The following PTPRG variants were observed in gnomAD, a reference collection of about 807,000 sequenced individuals.
The protein encoded by PTPRG is receptor-type tyrosine-protein phosphatase gamma.
In PTPRG, 102 loss-of-function variants were observed where a neutral mutation model predicts 165.3. The ratio of observed to expected loss-of-function variants is 0.62; its 90% CI spans 0.53 to 0.73. The LOEUF is 0.73. Among genes scored for constraint, PTPRG ranks in the 30% least tolerant of loss-of-function variants. The pLI is 0.00. For missense variants in PTPRG, 1,866 were observed against 1,861.4 expected (o/e 1.00, Z -0.05); for synonymous variants, 675 against 669.5 (o/e 1.01, Z -0.13).
At chr3:62,238,979 A>T (rs141737383) in intron 14 of PTPRG, among the ~76,000 whole-genome samples, 1 of 152,324 alleles carries the variant, frequency 6.6e-6, no homozygotes, top group Non-Finnish European at 1.5e-5. Flanking sequence ...AGTTTCTTAA[A>T]GGGCACAGAC....
At chr3:62,076,456 A>G (rs1421501361) in intron 4 of PTPRG, among the ~76,000 whole-genome samples, 2 of 152,146 alleles carry the variant, frequency 1.3e-5, no homozygotes, top group Non-Finnish European at 2.9e-5. Flanking sequence ...TGGTGCTTGC[A>G]AGTAAGGAAG....
chr3:61,987,996 T>C (rs1372554260), intron 2 of PTPRG, among the ~76,000 whole-genome samples: 1 of 152,180 alleles, frequency 6.6e-6, no homozygotes, highest in African/African-American at 2.4e-5. Context: ...AAAAAATACA[T>C]GAGTGAAAAG....
chr3:62,039,206 A>T (rs1051590331), intron 4 of PTPRG, among the ~76,000 whole-genome samples: 4 of 150,214 alleles, frequency 2.7e-5, no homozygotes, highest in African/African-American at 7.4e-5. Flanking sequence ...AAGTGCTAGG[A>T]TTATAAGCGT....
chr3:62,133,590 C>A (rs1402254204), intron 6 of PTPRG, among the ~76,000 whole-genome samples: 1 of 152,130 alleles, frequency 6.6e-6, no homozygotes. Context: ...TTAATTGTTC[C>A]GTTCTCAAAA....
intron 1 of PTPRG, among the ~76,000 whole-genome samples, chr3:61,605,760 G>T (rs1438500597): frequency 1.3e-5 from 2 of 152,010 alleles, no homozygotes; most frequent in African/African-American, 4.8e-5. Context: ...TGTTTGTAGA[G>T]ATGGTGTCTT....
chr3:61,833,808 G>C (rs1474578412), intron 2 of PTPRG, among the ~76,000 whole-genome samples: 4 of 152,124 alleles, frequency 2.6e-5, no homozygotes, highest in Admixed American at 1.3e-4. Context: ...AAGGCAGTGT[G>C]CCCGCCTCGG....
At chr3:62,117,281 A>G (rs1426487101) in intron 5 of PTPRG, among the ~76,000 whole-genome samples, 2 of 152,252 alleles carry the variant, frequency 1.3e-5, no homozygotes, top group African/African-American at 4.8e-5. Flanking sequence ...TTTCCCAGCT[A>G]GCTCACAAAC....
chr3:61,952,269 ATTT>A lies in PTPRG; in HGVS notation c.191-37354_191-37352del, dbSNP rs545559193. Among the ~76,000 whole-genome samples, 5 of 152,182 alleles carry A rather than the reference ATTT, an allele frequency of 3.3e-5. No individual in the cohort carries two copies. The South Asian group carries it at 1.0e-3, about 32-fold the overall frequency. On this transcript the variant is annotated intron_variant, in intron 2 of 29. Coordinates refer to ENST00000474889, the MANE Select transcript of PTPRG (RefSeq NM_002841.4). The stretch of plus-strand genomic sequence containing the variant: ...TTTAGTGCCTGTGCTGTAAGCCAGG[ATTT>A]TGAAGTTCTTGGGGGCAATTTTGCT...
At chr3:62,167,003 T>C (rs1400740177) in intron 7 of PTPRG, among the ~76,000 whole-genome samples, 2 of 152,054 alleles carry the variant, frequency 1.3e-5, no homozygotes, top group Non-Finnish European at 1.5e-5. Context: ...CTTTTGATAA[T>C]AGAAATATGA....
Position 61,970,256 on chromosome 3 carries a change from A to AT in PTPRG, c.191-19362dup, listed in dbSNP as rs1161775765. Among the ~76,000 whole-genome samples the AT allele has an allele frequency of 3.3e-5, 5 of 152,076 alleles. No individual in the cohort carries two copies. In the East Asian group the frequency reaches 9.7e-4, roughly 29 times the overall value. On this transcript the variant is annotated intron_variant, in intron 2 of 29. Coordinates refer to ENST00000474889, the MANE Select transcript of PTPRG (RefSeq NM_002841.4). ...TGAGGAGAAGGAAAGAAGGCCTTTA[A>AT]TTTTTTTGTCATGTTCTGACCTCTG...
At chr3:62,055,140 C>T (rs1391461623) in intron 4 of PTPRG, among the ~76,000 whole-genome samples, 1 of 152,066 alleles carries the variant, frequency 6.6e-6, no homozygotes, top group African/African-American at 2.4e-5. Flanking sequence ...TAATTAAGGC[C>T]CAATTATGTT....
At chr3:62,208,335 T>C (rs1023472272) in intron 12 of PTPRG, among the ~76,000 whole-genome samples, 2 of 152,226 alleles carry the variant, frequency 1.3e-5, no homozygotes, top group African/African-American at 2.4e-5. Flanking sequence ...GGGGGTACTA[T>C]GCAGTACAGC....
At chr3:62,159,016 A>T (rs1704643104) in intron 7 of PTPRG, among the ~76,000 whole-genome samples, 1 of 152,104 alleles carries the variant, frequency 6.6e-6, no homozygotes, top group Non-Finnish European at 1.5e-5. Flanking sequence ...CAGTTAATAA[A>T]TACTTTTGTC....
intron 21 of PTPRG, among the ~76,000 whole-genome samples, chr3:62,272,057 T>C (rs2148873872): frequency 6.6e-6 from 1 of 151,796 alleles, no homozygotes; most frequent in Non-Finnish European, 1.5e-5. Context: ...TTCACATAAC[T>C]GCACTCCAGC....
At chr3:62,193,243 A>G (rs1350502262) in intron 9 of PTPRG, among the ~76,000 whole-genome samples, 1 of 152,232 alleles carries the variant, frequency 6.6e-6, no homozygotes, top group Non-Finnish European at 1.5e-5. Context: ...GCAAAGATGA[A>G]TAGATACCGT....
At chr3:61,570,851 C>G (rs912955898) in intron 1 of PTPRG, among the ~76,000 whole-genome samples, 2 of 152,128 alleles carry the variant, frequency 1.3e-5, no homozygotes, top group African/African-American at 4.8e-5. Context: ...TTTCCAGAAG[C>G]GTTTCTCTTC....
At chr3:62,137,650 C>A (rs753376629) in intron 6 of PTPRG, among the ~76,000 whole-genome samples, 1 of 152,068 alleles carries the variant, frequency 6.6e-6, no homozygotes, top group African/African-American at 2.4e-5. Context: ...CAGCAGAGAC[C>A]ACCGTGATCT....
chr3:61,862,673 G>T (rs1390784526), intron 2 of PTPRG, among the ~76,000 whole-genome samples: 1 of 152,164 alleles, frequency 6.6e-6, no homozygotes, highest in Admixed American at 6.5e-5. Context: ...GGGATTACAG[G>T]TGTAAGCCAC....
intron 1 of PTPRG, among the ~76,000 whole-genome samples, chr3:61,652,943 G>C (rs1453382405): frequency 6.6e-6 from 1 of 152,168 alleles, no homozygotes; most frequent in African/African-American, 2.4e-5. Flanking sequence ...CAGAATCTTT[G>C]TATCAAAATG....
Sources: gnomAD v4.1 joint callset for allele counts (sites outside exome capture counted in the v4.1 genomes callset) on GRCh38, gnomAD v4.1.1 for gene constraint, MANE v1.5 for transcripts, NCBI Gene and HGNC (gene_info 2026-07-23, HGNC 2026-07-21) for gene names.